The following MSN variants were observed in gnomAD, a reference collection of about 807,000 sequenced individuals.
The protein encoded by MSN is moesin.
MSN carries 2 observed loss-of-function variants against 48.0 expected under a neutral mutation model. The ratio of observed to expected loss-of-function variants is 0.04; its 90% CI spans 0.02 to 0.13. The LOEUF (loss-of-function observed/expected upper bound fraction) is 0.13. Among genes scored for constraint, MSN ranks in the 10% least tolerant of loss-of-function variants. MSN has a pLI of 1.00. For synonymous variants in MSN, 146 were observed against 166.9 expected, an observed-to-expected ratio of 0.87 and a Z score of 0.97; for missense variants, 267 against 470.1, an observed-to-expected ratio of 0.57 and a Z score of 3.99.
At chrX:65,591,808 C>T (rs1054769425) in intron 1 of MSN, among the ~76,000 whole-genome samples, 2 of 111,127 alleles carry the variant, frequency 1.8e-5, no homozygotes, top group African/African-American at 6.5e-5. Context: ...TGTTATATCT[C>T]CCTCTCAACT....
chrX:65,662,592 G>A (rs1167965903), intron 1 of MSN, among the ~76,000 whole-genome samples: 1 of 112,436 alleles, frequency 8.9e-6, no homozygotes, highest in Non-Finnish European at 1.9e-5. Flanking sequence ...ATATGCAGAA[G>A]AATGAAACTA....
intron 1 of MSN, among the ~76,000 whole-genome samples, chrX:65,661,669 G>T (rs1296341961): frequency 8.9e-6 from 1 of 111,930 alleles, no homozygotes; most frequent in African/African-American, 3.2e-5. Context: ...TTTCTTTTTA[G>T]AATAGTTTCA....
intron 2 of MSN, 67 bp downstream of exon 2, chrX:65,716,968 A>C: frequency 1.0e-6 from 1 of 980,482 alleles, no homozygotes; most frequent in Non-Finnish European, 1.4e-6. Flanking sequence ...CCAACAATCC[A>C]TGACTTTTGC....
chrX:65,683,919 C>CTTTTT (rs1306388374), intron 1 of MSN, among the ~76,000 whole-genome samples: 5 of 106,801 alleles, frequency 4.7e-5, no homozygotes, highest in African/African-American at 1.7e-4. Context: ...AACATAAACT[C>CTTTTT]TTTTTTTTCT....
chrX:65,612,885 C>CT (rs1418010057), intron 1 of MSN, among the ~76,000 whole-genome samples: 2 of 104,459 alleles, frequency 1.9e-5, no homozygotes, highest in Non-Finnish European at 3.9e-5. Flanking sequence ...TACGATACAA[C>CT]TTTTTTTTAT....
At chrX:65,639,838 C>T (rs1305772950) in intron 1 of MSN, among the ~76,000 whole-genome samples, 2 of 111,689 alleles carry the variant, frequency 1.8e-5, no homozygotes, top group Non-Finnish European at 3.8e-5. Flanking sequence ...TGGGAGGATT[C>T]TGAGAGGGAA....
At position 65,738,725 on chromosome X, in the gene MSN, C is replaced by T; in HGVS notation, c.1344+108C>T. 1.1e-5 allele frequency: 8 copies of T among 754,627 alleles called. No homozygotes were observed. In the South Asian group the frequency reaches 1.6e-4, roughly 15 times the overall value. The allele number at this position is 754,627 out of a possible 1,213,427, so 62.2% of individuals were successfully genotyped here. Reference sequence around the variant, plus strand: ...TGGCTCCCTCCCTCTTTCATACTTCCCACAGCAGGCAGCATGGGAGAAGGC... The same window carrying T: ...TGGCTCCCTCCCTCTTTCATACTTCTCACAGCAGGCAGCATGGGAGAAGGC... On this transcript the variant is annotated intron_variant, in intron 11 of 12. Coordinates refer to ENST00000360270, the MANE Select transcript of MSN (RefSeq NM_002444.3).
At chrX:65,692,124 G>T (rs991953738) in intron 1 of MSN, among the ~76,000 whole-genome samples, 17 of 112,503 alleles carry the variant, frequency 1.5e-4, no homozygotes, top group African/African-American at 5.5e-4. Context: ...AGGCACACAT[G>T]TTCCTTTGCT....
intron 1 of MSN, among the ~76,000 whole-genome samples, chrX:65,679,315 C>G (rs749469777): frequency 1.8e-5 from 2 of 112,072 alleles, no homozygotes; most frequent in Non-Finnish European, 3.8e-5. Flanking sequence ...CTCCCTCCCC[C>G]ACAACATCCC....
intron 1 of MSN, among the ~76,000 whole-genome samples, chrX:65,605,345 G>A (rs763654454): frequency 9.0e-6 from 1 of 111,556 alleles, no homozygotes; most frequent in South Asian, 3.8e-4. Flanking sequence ...TCAGCCTATC[G>A]GCAAGTCCTG....
intron 1 of MSN, among the ~76,000 whole-genome samples, chrX:65,700,830 A>G (rs2071294945): frequency 8.9e-6 from 1 of 111,891 alleles, no homozygotes; most frequent in Non-Finnish European, 1.9e-5. Flanking sequence ...CTGTTTGCCA[A>G]TTCCCATGGT....
chrX:65,711,388 G>A (rs1377547720), intron 1 of MSN, among the ~76,000 whole-genome samples: 3 of 109,945 alleles, frequency 2.7e-5, no homozygotes, highest in Non-Finnish European at 5.7e-5. Flanking sequence ...TAGAGATGGG[G>A]TTTCACCATG....
rs187966141 is a variant in MSN at position 65,595,583 on chromosome X, C to T, written c.-22+6971C>T. Among the ~76,000 whole-genome samples, 152 of 112,028 alleles carry T rather than the reference C, an allele frequency of 1.4e-3. 1 individual carries two copies. Among genetic ancestry groups the T allele is most frequent in the Middle Eastern group, 4.6e-3 (1 of 216 alleles). On this transcript the variant is annotated intron_variant, in intron 1 of 3. Transcript: ENST00000609672. ...CTCAGTTCTTTAGCGGTTGCTACAGCAAGTGGTCTAGTTGGGCCTGCACTT... is the reference window on the plus strand; with the variant it reads ...CTCAGTTCTTTAGCGGTTGCTACAGTAAGTGGTCTAGTTGGGCCTGCACTT...
chrX:65,692,248 G>T (rs978143528), intron 1 of MSN, among the ~76,000 whole-genome samples: 1 of 112,577 alleles, frequency 8.9e-6, no homozygotes, highest in Non-Finnish European at 1.9e-5. Flanking sequence ...TGGGAGTCAG[G>T]TACTTTATGG....
intron 1 of MSN, among the ~76,000 whole-genome samples, chrX:65,702,317 A>G (rs1441475984): frequency 2.8e-5 from 3 of 106,428 alleles, no homozygotes; most frequent in Admixed American, 1.0e-4. Context: ...CCGGCCTTTC[A>G]GTTGCTCTTT....
In MSN at chrX:65,630,473, C is replaced by G. The variant is rs147972115; in HGVS notation, c.-22+41861C>G. Reference sequence around the variant, plus strand: ...TGGTGGTATGTACCTGTAATAATCCCAGCTACTGGGGAGGCTGAGGTGGGA... The same window carrying G: ...TGGTGGTATGTACCTGTAATAATCCGAGCTACTGGGGAGGCTGAGGTGGGA... On this transcript the variant is annotated intron_variant, in intron 1 of 3. Transcript: ENST00000609672. Among the ~76,000 whole-genome samples the G allele has an allele frequency of 1.4e-3, 160 of 110,770 alleles. 2 individuals carry two copies. Among genetic ancestry groups the G allele is most frequent in the South Asian group, 0.01 (27 of 2,597 alleles).
chrX:65,605,047 C>T (rs776448037), intron 1 of MSN, among the ~76,000 whole-genome samples: 1 of 112,737 alleles, frequency 8.9e-6, no homozygotes, highest in African/African-American at 3.2e-5. Context: ...GCCTCAGCCT[C>T]TGTCCTGGGC....
chrX:65,696,262 C>CAAAGCCTG (rs769983799), intron 1 of MSN, among the ~76,000 whole-genome samples: 37 of 110,779 alleles, frequency 3.3e-4, no homozygotes, highest in Middle Eastern at 9.3e-3. Context: ...CGAATTATTT[C>CAAAGCCTG]AAAGCCTGAT....
Position 65,739,936 on chromosome X carries a change from T to C in MSN, c.*43T>C. ...GGGACCCCTCCTCCCTTTTTCCTTG[T>C]CCCCACACTCCTACACCTAACTCAC... On this transcript the variant is annotated 3_prime_UTR_variant, in exon 13 of 13. Coordinates refer to ENST00000360270, the MANE Select transcript of MSN (RefSeq NM_002444.3). 1 of 1,161,887 alleles carries C rather than the reference T, an allele frequency of 8.6e-7. No individual in the cohort carries two copies. Among genetic ancestry groups the C allele is most frequent in the African/African-American group, 1.8e-5 (1 of 56,683 alleles).
Sources: gnomAD v4.1 joint callset for allele counts (sites outside exome capture counted in the v4.1 genomes callset) on GRCh38, gnomAD v4.1.1 for gene constraint, MANE v1.5 for transcripts, NCBI Gene and HGNC (gene_info 2026-07-23, HGNC 2026-07-21) for gene names.